SYT1: variants seen among roughly 807,000 people sequenced by gnomAD.
SYT1 encodes the protein synaptotagmin-1.
Under a neutral mutation model 44.8 loss-of-function variants are expected in SYT1, and 8 were observed. The observed-to-expected ratio is 0.18, with a 90% CI of 0.10 to 0.32. The LOEUF (loss-of-function observed/expected upper bound fraction) is 0.32, where lower values mean the gene tolerates loss of function less well. Among genes scored for constraint, SYT1 ranks in the 10% least tolerant of loss-of-function variants. The pLI is 1.00. For missense variants in SYT1, 286 were observed against 509.3 expected (o/e 0.56, Z 4.22); for synonymous variants, 154 against 188.8 (o/e 0.82, Z 1.51).
intron 9 of SYT1, among the ~76,000 whole-genome samples, chr12:79,366,894 C>T (rs1194095400): frequency 8.5e-6 from 1 of 117,424 alleles, no homozygotes; most frequent in African/African-American, 3.4e-5. Flanking sequence ...ATAAATAATA[C>T]TGTGTGTGTG....
chr12:78,881,608 TTG>T (rs1389985241), intron 1 of SYT1, among the ~76,000 whole-genome samples: 1 of 151,762 alleles, frequency 6.6e-6, no homozygotes, highest in Non-Finnish European at 1.5e-5. Flanking sequence ...CTAACTGTGT[TTG>T]TAAAGCTAAA....
intron 2 of SYT1, among the ~76,000 whole-genome samples, chr12:79,029,490 A>G (rs1285478193): frequency 6.6e-6 from 1 of 151,194 alleles, no homozygotes; most frequent in South Asian, 2.1e-4. Context: ...AGCCAAACAT[A>G]CATTCTGCCC....
chr12:79,138,506 C>T (rs1197167584), intron 3 of SYT1, among the ~76,000 whole-genome samples: 1 of 152,222 alleles, frequency 6.6e-6, no homozygotes, highest in Non-Finnish European at 1.5e-5. Context: ...ATTACTTTCT[C>T]TCACTTCTAT....
At chr12:78,992,842 A>C (rs1331287613) in intron 2 of SYT1, among the ~76,000 whole-genome samples, 1 of 152,140 alleles carries the variant, frequency 6.6e-6, no homozygotes, top group Admixed American at 6.6e-5. Context: ...GTAAAAACTC[A>C]CACATGCCCA....
At chr12:78,968,995 T>C (rs1868314105) in intron 1 of SYT1, among the ~76,000 whole-genome samples, 1 of 152,162 alleles carries the variant, frequency 6.6e-6, no homozygotes, top group Non-Finnish European at 1.5e-5. Flanking sequence ...AGAAAATATA[T>C]ATGCAGTGAC....
intron 9 of SYT1, among the ~76,000 whole-genome samples, chr12:79,424,705 C>T (rs1869328274): frequency 6.6e-6 from 1 of 152,068 alleles, no homozygotes; most frequent in Admixed American, 6.6e-5. Context: ...CCTAAACACA[C>T]TATGACTACT....
chr12:79,041,659 A>C (rs1305095032), intron 2 of SYT1, among the ~76,000 whole-genome samples: 3 of 151,984 alleles, frequency 2.0e-5, no homozygotes, highest in Non-Finnish European at 4.4e-5. Context: ...TTCCAACACT[A>C]TGTTGAATAG....
intron 3 of SYT1, among the ~76,000 whole-genome samples, chr12:79,129,781 AGGAGGCGGT>A (rs1257821210): frequency 1.3e-5 from 2 of 152,152 alleles, no homozygotes; most frequent in Non-Finnish European, 2.9e-5. Flanking sequence ...AGGGTTGGGG[AGGAGGCGGT>A]GGCTTTTAAT....
intron 1 of SYT1, among the ~76,000 whole-genome samples, chr12:78,947,939 C>A (rs1341636227): frequency 2.0e-5 from 3 of 151,686 alleles, no homozygotes; most frequent in Non-Finnish European, 2.9e-5. Flanking sequence ...CCCTTCATAG[C>A]CCACTAACAT....
chr12:79,236,929 A>G (rs2138637355), intron 4 of SYT1, among the ~76,000 whole-genome samples: 1 of 152,330 alleles, frequency 6.6e-6, no homozygotes, highest in Admixed American at 6.5e-5. Flanking sequence ...GTTAGACTTT[A>G]TTTAATAGTT....
chr12:79,226,088 C>T (rs192977897), intron 4 of SYT1, among the ~76,000 whole-genome samples: 22 of 152,276 alleles, frequency 1.4e-4, no homozygotes, highest in Admixed American at 1.2e-3. Flanking sequence ...GGATTAATGA[C>T]AACCAATTTA....
chr12:79,000,685 G>A (rs1870682493), intron 2 of SYT1, among the ~76,000 whole-genome samples: 1 of 152,188 alleles, frequency 6.6e-6, no homozygotes, highest in Non-Finnish European at 1.5e-5. Flanking sequence ...AAGCTGCCAA[G>A]ACTGAGGTTG....
intron 3 of SYT1, among the ~76,000 whole-genome samples, chr12:79,075,584 A>C (rs1453022252): frequency 6.6e-6 from 1 of 152,194 alleles, no homozygotes; most frequent in Non-Finnish European, 1.5e-5. Context: ...CATTTAGACT[A>C]TCAGTTGTGT....
chr12:78,870,591 T>C (rs1213688254), intron 1 of SYT1, among the ~76,000 whole-genome samples: 1 of 152,088 alleles, frequency 6.6e-6, no homozygotes, highest in African/African-American at 2.4e-5. Context: ...ATGAGAAGTA[T>C]ATAGTCTCCT....
intron 3 of SYT1, among the ~76,000 whole-genome samples, chr12:79,057,840 G>A (rs1043526121): frequency 6.6e-6 from 1 of 151,840 alleles, no homozygotes; most frequent in Non-Finnish European, 1.5e-5. Flanking sequence ...GCTTCAGGCT[G>A]CTAAAAGCCT....
chr12:78,998,359 T>C (rs1870513672), intron 2 of SYT1, among the ~76,000 whole-genome samples: 1 of 152,128 alleles, frequency 6.6e-6, no homozygotes, highest in Admixed American at 6.5e-5. Context: ...ACCCTAAATA[T>C]GTGAACTCAG....
At chr12:79,293,325 AAAAATAAAATAAAATAAAATAAAAT>A (rs71091659) in intron 6 of SYT1, among the ~76,000 whole-genome samples, 13,427 of 111,344 alleles carry the variant, frequency 0.12, 1,387 homozygotes, top group Middle Eastern at 0.23. Context: ...CTCCATCTCA[AAAAATAAAATAAAATAAAATAAAAT>A]AAAATAAAAT....
intron 2 of SYT1, among the ~76,000 whole-genome samples, chr12:78,987,947 A>G (rs1284039140): frequency 6.6e-6 from 1 of 152,086 alleles, no homozygotes; most frequent in Non-Finnish European, 1.5e-5. Context: ...AAGCCAGCCC[A>G]TAAACCATCC....
intron 9 of SYT1, among the ~76,000 whole-genome samples, chr12:79,401,907 G>A (rs762983101): frequency 2.6e-5 from 4 of 152,058 alleles, no homozygotes; most frequent in East Asian, 1.9e-4. Flanking sequence ...GGGCTCAAGC[G>A]ATCCTCCCAC....
Sources: gnomAD v4.1 joint callset for allele counts (sites outside exome capture counted in the v4.1 genomes callset) on GRCh38, gnomAD v4.1.1 for gene constraint, MANE v1.5 for transcripts, NCBI Gene and HGNC (gene_info 2026-07-23, HGNC 2026-07-21) for gene names.